The following FBXW7 variants were observed in gnomAD, a reference collection of about 807,000 sequenced individuals.
The protein encoded by FBXW7 is F-box and WD repeat domain containing 7.
Under a neutral mutation model 86.3 loss-of-function variants are expected in FBXW7, and 11 were observed. That is an observed-to-expected ratio of 0.13 (90% CI 0.08 to 0.21). FBXW7 has a LOEUF of 0.21. Among genes scored for constraint, FBXW7 ranks in the 10% least tolerant of loss-of-function variants. The pLI, the probability that FBXW7 is intolerant of heterozygous loss-of-function variation, is 1.00. For synonymous variants in FBXW7, 313 were observed against 297.9 expected (o/e 1.05, Z -0.52); for missense variants, 488 against 847.4 (o/e 0.58, Z 5.27).
At chr4:152,339,553 T>C (rs1166035250) in intron 6 of FBXW7, among the ~76,000 whole-genome samples, 5 of 152,210 alleles carry the variant, frequency 3.3e-5, no homozygotes, top group Non-Finnish European at 4.4e-5. Context: ...TTTGATAATA[T>C]GCTATACCTC....
chr4:152,345,203 G>A (rs1165649704), intron 6 of FBXW7, among the ~76,000 whole-genome samples: 3 of 151,804 alleles, frequency 2.0e-5, no homozygotes, highest in Non-Finnish European at 4.4e-5. Flanking sequence ...AAAAGGATGG[G>A]ACAAAATTAA....
intron 4 of FBXW7, among the ~76,000 whole-genome samples, chr4:152,354,557 A>G (rs1411317080): frequency 6.6e-6 from 1 of 152,152 alleles, no homozygotes; most frequent in Non-Finnish European, 1.5e-5. Context: ...TTTGGCTTCA[A>G]CTGAAATCAT....
intron 2 of FBXW7, among the ~76,000 whole-genome samples, chr4:152,503,204 T>C (rs1747110639): frequency 6.6e-6 from 1 of 152,182 alleles, no homozygotes; most frequent in Non-Finnish European, 1.5e-5. Flanking sequence ...AATCAACAGA[T>C]TCAAAATGTG....
At chr4:152,376,357 T>A (rs1356161907) in intron 4 of FBXW7, among the ~76,000 whole-genome samples, 1 of 152,098 alleles carries the variant, frequency 6.6e-6, no homozygotes, top group African/African-American at 2.4e-5. Flanking sequence ...AATCTTCATA[T>A]TAATGAAAAT....
chr4:152,434,110 A>T (rs1013881238), intron 2 of FBXW7, among the ~76,000 whole-genome samples: 1 of 152,192 alleles, frequency 6.6e-6, no homozygotes, highest in African/African-American at 2.4e-5. Flanking sequence ...TTGGTTCTGC[A>T]GGACTAGTAT....
chr4:152,468,454 T>C (rs941570653), intron 2 of FBXW7, among the ~76,000 whole-genome samples: 1 of 152,094 alleles, frequency 6.6e-6, no homozygotes, highest in South Asian at 2.1e-4. Context: ...TGCTACAACA[T>C]GAGTGAAGCT....
At chr4:152,389,152 T>C (rs1326389680) in intron 4 of FBXW7, among the ~76,000 whole-genome samples, 1 of 152,066 alleles carries the variant, frequency 6.6e-6, no homozygotes, top group African/African-American at 2.4e-5. Flanking sequence ...GGCGAGGATG[T>C]GGAGAAAAAG....
At chr4:152,411,015 C>G in intron 4 of FBXW7, 1 of 357,476 alleles carries the variant, frequency 2.8e-6, no homozygotes, top group Non-Finnish European at 4.8e-6. Flanking sequence ...ACACAAGCTA[C>G]TAATCCCTGC....
rs199532943 is a variant in FBXW7 at position 152,328,291 on chromosome 4, C to A, written c.1335G>T (p.Val445=). ...ISGSTDRTLK[V]WNAETGECIH... is the part of the protein sequence containing the mutation. ...TACATTCTCCAGTCTCTGCATTCCA[C>A]ACTTTGAGTGTCCGATCTGTAGATC... The change falls in exon 11 of 14, where the codon GTG becomes GTT. Residue 445 remains valine (V), a synonymous_variant. Coordinates refer to ENST00000281708, the MANE Select transcript of FBXW7 (RefSeq NM_001349798.2). The A allele has an allele frequency of 1.2e-6, 2 of 1,600,898 alleles. No individual in the cohort carries two copies. The highest frequency in any genetic ancestry group is 1.7e-6 in the Non-Finnish European group (2 of 1,174,486).
At chr4:152,422,754 C>A (rs958530900) in intron 2 of FBXW7, among the ~76,000 whole-genome samples, 1 of 152,136 alleles carries the variant, frequency 6.6e-6, no homozygotes, top group Admixed American at 6.6e-5. Flanking sequence ...TCAGTCATAG[C>A]CCCTTCCCTT....
intron 4 of FBXW7, chr4:152,352,931 T>TTCTCA: frequency 7.1e-7 from 1 of 1,415,482 alleles, no homozygotes. Context: ...ATCAATTATA[T>TTCTCA]GGTGATCCGC....
intron 2 of FBXW7, among the ~76,000 whole-genome samples, chr4:152,488,866 A>C (rs1371964442): frequency 6.6e-6 from 1 of 152,066 alleles, no homozygotes; most frequent in Non-Finnish European, 1.5e-5. Flanking sequence ...TACAGTAAGC[A>C]AGGCAAAGAA....
At chr4:152,494,200 G>C (rs1210824933) in intron 2 of FBXW7, among the ~76,000 whole-genome samples, 3 of 152,276 alleles carry the variant, frequency 2.0e-5, no homozygotes, top group South Asian at 4.1e-4. Flanking sequence ...GAAAGCCTTA[G>C]ATAGAAAGCA....
intron 4 of FBXW7, among the ~76,000 whole-genome samples, chr4:152,368,506 T>C (rs568008122): frequency 6.6e-6 from 1 of 152,218 alleles, no homozygotes; most frequent in Non-Finnish European, 1.5e-5. Context: ...TCTAATTTTC[T>C]AAGTACTTTT....
intron 4 of FBXW7, among the ~76,000 whole-genome samples, chr4:152,396,716 G>C (rs1057249419): frequency 6.6e-6 from 1 of 151,992 alleles, no homozygotes. Flanking sequence ...TGTGCAAAAG[G>C]ATCAGAATTC....
intron 7 of FBXW7, among the ~76,000 whole-genome samples, chr4:152,337,502 T>C (rs1261950937): frequency 1.3e-5 from 2 of 151,954 alleles, no homozygotes; most frequent in African/African-American, 2.4e-5. Context: ...TTCAAATAAC[T>C]TGACAAAAAA....
intron 2 of FBXW7, among the ~76,000 whole-genome samples, chr4:152,529,729 G>A (rs1235012014): frequency 6.6e-6 from 1 of 152,086 alleles, no homozygotes; most frequent in African/African-American, 2.4e-5. Flanking sequence ...CACTGAGGGA[G>A]GTCGAGGTAG....
chr4:152,439,824 C>T (rs530409135), intron 2 of FBXW7, among the ~76,000 whole-genome samples: 56 of 149,938 alleles, frequency 3.7e-4, no homozygotes, highest in African/African-American at 1.3e-3. Flanking sequence ...CAAGATCGTG[C>T]CACTGCACTC....
chr4:152,414,232 C>G (rs1250265644), intron 2 of FBXW7, among the ~76,000 whole-genome samples: 4 of 152,130 alleles, frequency 2.6e-5, no homozygotes, highest in Non-Finnish European at 5.9e-5. Flanking sequence ...CAAATTACAG[C>G]CTTCCTGCAC....
Sources: gnomAD v4.1 joint callset for allele counts (sites outside exome capture counted in the v4.1 genomes callset) on GRCh38, gnomAD v4.1.1 for gene constraint, MANE v1.5 for transcripts, NCBI Gene and HGNC (gene_info 2026-07-23, HGNC 2026-07-21) for gene names.